PCID2: variants seen among roughly 807,000 people sequenced by gnomAD.
PCID2 encodes PCI domain containing 2, also known as PCI domain-containing protein 2.
PCID2 carries 41 observed loss-of-function variants against 61.3 expected under a neutral mutation model. That is an observed-to-expected ratio of 0.67 (90% confidence interval 0.52 to 0.87). PCID2 has a LOEUF of 0.87. PCID2 is among the 40% of genes least tolerant of loss of function. PCID2 has a pLI of 0.00. For synonymous variants in PCID2, 187 were observed against 177.8 expected (o/e 1.05, Z -0.41); for missense variants, 392 against 493.4 (o/e 0.79, Z 1.95).
chr13:113,178,365 T>C (rs898031311), intron 13 of PCID2, 78 bp from the exon 14 acceptor site: 335 of 1,067,658 alleles, frequency 3.1e-4, no homozygotes, highest in Middle Eastern at 2.0e-4. Flanking sequence ...ATCTAATTAA[T>C]TTGGCATTAG....
At position 113,183,729 on chromosome 13, in the gene PCID2, G is replaced by A. The variant is rs1486263964; in HGVS notation, c.685+617C>T. 7.1e-6 allele frequency: 7 copies of A among 981,288 alleles called. 1 individual carries two copies. In the South Asian group the frequency reaches 1.9e-4, roughly 26 times the overall value. The allele number at this position is 981,288 out of a possible 1,614,324, so 60.8% of individuals were successfully genotyped here. On this transcript the variant is annotated intron_variant, in intron 9 of 13. Transcript: ENST00000337344. ...AGAAGAGATCACCAAGAATGATGCCGTGACAGCCGATAAAAATTACAAAAA... is the reference window on the plus strand; with the variant it reads ...AGAAGAGATCACCAAGAATGATGCCATGACAGCCGATAAAAATTACAAAAA...
chr13:113,173,263 T>C (rs1422306456), downstream of PCID2, among the ~76,000 whole-genome samples: 1 of 152,230 alleles, frequency 6.6e-6, no homozygotes, highest in Non-Finnish European at 1.5e-5. Context: ...GCAGCTGCAA[T>C]GCAAGTACCA....
chr13:113,180,060 G>A lies in PCID2; in HGVS notation c.861-18C>T, dbSNP rs748990820. 15 of 1,613,568 alleles carry A rather than the reference G, an allele frequency of 9.3e-6. No individual in the cohort carries two copies. Among genetic ancestry groups the A allele is most frequent in the East Asian group, 2.2e-5 (1 of 44,864 alleles). On this transcript the variant is annotated intron_variant, in intron 11 of 13. Coordinates refer to ENST00000337344, the MANE Select transcript of PCID2 (RefSeq NM_001127202.4). ...TGCCCTCGCTGGTGAGGGGGGAGGCGCGTCAGAAGGAGGGTGAGTTTCTCA... is the reference window on the plus strand; with the variant it reads ...TGCCCTCGCTGGTGAGGGGGGAGGCACGTCAGAAGGAGGGTGAGTTTCTCA...
intron 7 of PCID2, chr13:113,188,082 A>G (rs2138758788): frequency 6.6e-6 from 1 of 152,366 alleles, no homozygotes; most frequent in East Asian, 1.9e-4. Flanking sequence ...AGTGAAAGAA[A>G]TGTACAGTCT....
intron 5 of PCID2, among the ~76,000 whole-genome samples, chr13:113,195,513 A>C (rs576129659): frequency 6.6e-6 from 1 of 152,328 alleles, no homozygotes; most frequent in African/African-American, 2.4e-5. Context: ...AAAATGTCAC[A>C]AAACAACTTT....
At chr13:113,185,380 T>C in intron 8 of PCID2, 105 bp downstream of exon 8, 1 of 812,938 alleles carries the variant, frequency 1.2e-6, no homozygotes, top group Non-Finnish European at 2.2e-6. Context: ...GTTATGATCA[T>C]TTCACAAGCA....
chr13:113,208,545 C>T, intron 1 of PCID2, 54 bp downstream of exon 1: 1 of 1,590,850 alleles, frequency 6.3e-7, no homozygotes, highest in Non-Finnish European at 8.6e-7. Context: ...AGGGGACACA[C>T]GGAACACGCC....
chr13:113,194,589 G>A (rs1226518380), intron 6 of PCID2, among the ~76,000 whole-genome samples: 3 of 152,144 alleles, frequency 2.0e-5, no homozygotes, highest in Non-Finnish European at 4.4e-5. Flanking sequence ...AAAACCAAAA[G>A]GTTGACAAAT....
At chr13:113,198,327 T>G in intron 2 of PCID2, 63 bp from the exon 3 acceptor site, 1 of 961,814 alleles carries the variant, frequency 1.0e-6, no homozygotes, top group East Asian at 2.4e-5. Context: ...ATGCAACATA[T>G]AGAAAGAGAT....
chr13:113,178,424 G>A, intron 13 of PCID2, 137 bp from the exon 14 acceptor site: 4 of 595,036 alleles, frequency 6.7e-6, no homozygotes, highest in Non-Finnish European at 1.2e-5. Context: ...AAGACAATGA[G>A]TAAAAATAAA....
chr13:113,165,084 G>C, the PCID2 span: 35 of 1,612,888 alleles, frequency 2.2e-5, no homozygotes, highest in South Asian at 2.2e-4. Context: ...TGACCTCTGA[G>C]AAGCGTGCAC....
At chr13:113,207,282 T>C (rs1477762135) in intron 1 of PCID2, among the ~76,000 whole-genome samples, 1 of 152,244 alleles carries the variant, frequency 6.6e-6, no homozygotes, top group Non-Finnish European at 1.5e-5. Flanking sequence ...TGTTTCTCTA[T>C]AAGCTAAGTT....
chr13:113,207,981 T>A (rs1555407525), intron 1 of PCID2: 2 of 1,545,210 alleles, frequency 1.3e-6, no homozygotes, highest in South Asian at 1.1e-5. Context: ...ATGCGTTGAA[T>A]CTTTACAAGT....
chr13:113,201,886 A>T (rs561269104), intron 1 of PCID2, among the ~76,000 whole-genome samples: 1 of 152,242 alleles, frequency 6.6e-6, no homozygotes, highest in African/African-American at 2.4e-5. Flanking sequence ...CTTTAGATAC[A>T]GTATAATTTA....
At position 113,177,791 on chromosome 13, in the gene PCID2, G is replaced by A. The variant is rs1270365251; in HGVS notation, c.*407C>T. The stretch of plus-strand genomic sequence containing the variant: ...TCAAATTTAATATATAAAAATAGAT[G>A]TATCCTGGAAGATATAATGAAGAAC... On this transcript the variant is annotated 3_prime_UTR_variant, in exon 14 of 14. Transcript: ENST00000337344. The A allele has an allele frequency of 6.5e-6, 1 of 152,998 alleles. No homozygotes were observed. Among genetic ancestry groups the A allele is most frequent in the Non-Finnish European group, 1.5e-5 (1 of 68,568 alleles). 9.5% of individuals were successfully genotyped at this position (152,998 alleles called of 1,614,324 possible).
chr13:113,170,312 T>TGGGGGTGGGGGG, the PCID2 span: 3 of 549,106 alleles, frequency 5.5e-6, no homozygotes, highest in Non-Finnish European at 9.4e-6. Context: ...GGGGTGGGGG[T>TGGGGGTGGGGGG]GGGGGTGGGG....
intron 6 of PCID2, among the ~76,000 whole-genome samples, chr13:113,193,396 T>A (rs997758070): frequency 2.0e-5 from 3 of 152,170 alleles, no homozygotes; most frequent in Non-Finnish European, 2.9e-5. Context: ...TGATGTAGCC[T>A]TTCACCATCA....
chr13:113,193,228 G>C (rs893125249), intron 6 of PCID2, among the ~76,000 whole-genome samples: 3 of 151,728 alleles, frequency 2.0e-5, no homozygotes, highest in Admixed American at 6.6e-5. Flanking sequence ...TGTAAAGGTA[G>C]AAAAAGTTTA....
chr13:113,207,437 T>C (rs982958278), intron 1 of PCID2, among the ~76,000 whole-genome samples: 2 of 152,182 alleles, frequency 1.3e-5, no homozygotes, highest in African/African-American at 4.8e-5. Context: ...TTAAATAAAC[T>C]GATATTGGAA....
Sources: allele counts gnomAD v4.1 joint callset (sites outside exome capture counted in the v4.1 genomes callset), GRCh38; gene constraint gnomAD v4.1.1; transcripts MANE v1.5; gene names NCBI Gene and HGNC (gene_info 2026-07-23, HGNC 2026-07-21).